Variants in LPA observed in about 807,000 individuals in gnomAD.
LPA encodes lipoprotein(a), also known as apolipoprotein(a).
A neutral mutation model predicts 197.9 loss-of-function variants in LPA; 199 were observed. The observed-to-expected ratio is 1.01, with a 90% CI of 0.90 to 1.13. The LOEUF is 1.13. LPA is among the 50% of genes most tolerant of loss of function. LPA has a pLI of 0.00. For synonymous variants in LPA, 715 were observed against 639.5 expected, an observed-to-expected ratio of 1.12 and a Z score of -1.78; for missense variants, 1,853 against 1,785.8, an observed-to-expected ratio of 1.04 and a Z score of -0.68.
chr6:160,608,627 T>A (rs1320277072), intron 16 of LPA, among the ~76,000 whole-genome samples: 2 of 152,122 alleles, frequency 1.3e-5, no homozygotes, highest in Non-Finnish European at 2.9e-5. Context: ...TTGAATTTCG[T>A]GTTTTTGCGA....
chr6:160,580,941 T>A, intron 26 of LPA, among the ~76,000 whole-genome samples: 1 of 151,580 alleles, frequency 6.6e-6, no homozygotes, highest in Middle Eastern at 3.6e-3. Flanking sequence ...TTGTTTTCTT[T>A]TACAGTTAGT....
intron 1 of LPA, among the ~76,000 whole-genome samples, chr6:160,661,094 C>T (rs148196584): frequency 9.3e-4 from 141 of 152,296 alleles, no homozygotes; most frequent in African/African-American, 3.2e-3. Context: ...CCTTAGGACA[C>T]CTGGCTGAGC....
Position 160,595,397 on chromosome 6 carries a change from G to T in LPA, c.3426C>A (p.Leu1142=). ...CTGTGCTTGGATCTGGGACCACCGTGAGAGTTGCAAGGACACTTGATTCTG... is the reference window on the plus strand; with the variant it reads ...CTGTGCTTGGATCTGGGACCACCGTTAGAGTTGCAAGGACACTTGATTCTG... ...LVTESSVLAT[L]TVVPDPSTEA... is the part of the protein sequence containing the mutation. The change falls in exon 21 of 39, where the codon CTC becomes CTA. Residue 1142 remains leucine, a synonymous_variant. Coordinates refer to ENST00000316300, the MANE Select transcript of LPA (RefSeq NM_005577.4). The T allele has an allele frequency of 6.2e-7, 1 of 1,613,776 alleles. No homozygotes were observed.
intron 1 of LPA, among the ~76,000 whole-genome samples, chr6:160,652,016 C>CAA (rs58821197): frequency 0.023 from 2,790 of 122,482 alleles, 73 homozygotes; most frequent in African/African-American, 0.067. Flanking sequence ...GAGTTCCTGA[C>CAA]AAAAAAAAAA....
chr6:160,537,351 C>T (rs1777909960), intron 37 of LPA, among the ~76,000 whole-genome samples: 1 of 152,014 alleles, frequency 6.6e-6, no homozygotes, highest in South Asian at 2.1e-4. Flanking sequence ...TGCCTAACAC[C>T]CTCACACACA....
intron 37 of LPA, 134 bp downstream of exon 37, chr6:160,537,721 T>C: frequency 5.0e-6 from 4 of 802,026 alleles, no homozygotes; most frequent in Non-Finnish European, 8.5e-6. Context: ...TAGACAGGTG[T>C]CCAGGCAAAG....
rs758093097 is a variant in LPA at position 160,541,084 on chromosome 6, T to G, written c.5594+23A>C. 5 of 1,607,934 alleles carry G rather than the reference T, an allele frequency of 3.1e-6. No individual in the cohort carries two copies. In the South Asian group the frequency reaches 5.5e-5, roughly 18 times the overall value. ...AAAAAGTCTTGAAGATAAGACCCCA[T>G]GTCAGTTTTCCCTTAAACGTACTTC... is the stretch of plus-strand genomic sequence containing the variant. On this transcript the variant is annotated intron_variant, in intron 35 of 38. Coordinates refer to ENST00000316300, the MANE Select transcript of LPA (RefSeq NM_005577.4).
At chr6:160,551,839 A>G (rs983162108) in intron 30 of LPA, among the ~76,000 whole-genome samples, 4 of 151,862 alleles carry the variant, frequency 2.6e-5, no homozygotes, top group African/African-American at 4.8e-5. Context: ...TCCATTTACC[A>G]TATATGTATG....
In LPA at chr6:160,604,462, C is replaced by A. The variant is rs572211794; in HGVS notation, c.2945+584G>T. On this transcript the variant is annotated intron_variant, in intron 18 of 38. Coordinates refer to ENST00000316300, the MANE Select transcript of LPA (RefSeq NM_005577.4). ...CTGGGCTTCTGTCCATCTATCCACC[C>A]TTTTACTTTACAGGATCTCTCTCTT... 2.6e-5 allele frequency among the ~76,000 whole-genome samples: 4 copies of A among 152,280 alleles called. No individual in the cohort carries two copies. In the South Asian group the frequency reaches 6.2e-4, roughly 24 times the overall value.
chr6:160,548,554 G>C lies in LPA; in HGVS notation c.5079C>G (p.Cys1693Trp). 9 of 1,614,100 alleles carry C rather than the reference G, an allele frequency of 5.6e-6. No homozygotes were observed. Among genetic ancestry groups the C allele is most frequent in the Non-Finnish European group, 7.6e-6 (9 of 1,180,004 alleles). ...IRWEYCNLTR[C>W]SDTEGTVVAP... ...CGACCACAGTCCCTTCTGTGTCTGA[G>C]CATCGCGTCAGGTTGCAGTACTCCC... is the stretch of plus-strand genomic sequence containing the variant. Residue 1693 changes from cysteine to tryptophan, a missense_variant, in exon 31 of 39, where the codon TGC becomes TGG. By Grantham distance (215) the Cys-to-Trp change is radical. This residue lies in a region of LPA where 1,737 missense variants were observed against 1,504.4 expected (regional missense o/e 1.15). Coordinates refer to ENST00000316300, the MANE Select transcript of LPA (RefSeq NM_005577.4).
rs73594865 is a variant in LPA at position 160,545,862 on chromosome 6, G to T, written c.5305-329C>A. 1.9e-3 allele frequency among the ~76,000 whole-genome samples: 292 copies of T among 152,218 alleles called. 1 individual carries two copies. Among genetic ancestry groups the T allele is most frequent in the African/African-American group, 6.5e-3 (271 of 41,536 alleles). ...GAGGACAGTGGGACATCATTGATGA[G>T]CTTTGTCCCTGGGGCGCTGAGGGGT... On this transcript the variant is annotated intron_variant, in intron 32 of 38. Coordinates refer to ENST00000316300, the MANE Select transcript of LPA (RefSeq NM_005577.4).
rs1253594068 is a variant in LPA, at chr6:160,585,151, C to T, written c.4184G>A (p.Ser1395Asn). The change falls in exon 26 of 39, where the codon AGT becomes AAT. Residue 1395 changes from serine to asparagine, a missense_variant. Transcript: ENST00000316300. ...AGTGGTGGAGAGTGTGCCTCGATAACTCTGTCCATCACCTCGGTAGCAGTC... is the reference window on the plus strand; with the variant it reads ...AGTGGTGGAGAGTGTGCCTCGATAATTCTGTCCATCACCTCGGTAGCAGTC... Reference protein sequence around the residue: ...VQDCYRGDGQSYRGTLSTTIT... With the variant: ...VQDCYRGDGQNYRGTLSTTIT... 3 of 1,613,542 alleles carry T rather than the reference C, an allele frequency of 1.9e-6. No homozygotes were observed. In the East Asian group the frequency reaches 6.7e-5, roughly 36 times the overall value.
At chr6:160,536,427 T>C (rs1777896125) in intron 37 of LPA, among the ~76,000 whole-genome samples, 1 of 152,196 alleles carries the variant, frequency 6.6e-6, no homozygotes, top group Non-Finnish European at 1.5e-5. Flanking sequence ...TAGGATGTGC[T>C]CAGCACTTGA....
intron 16 of LPA, among the ~76,000 whole-genome samples, chr6:160,608,740 C>T (rs1005783446): frequency 2.6e-5 from 4 of 152,010 alleles, no homozygotes; most frequent in African/African-American, 7.3e-5. Flanking sequence ...ACTTGCTTCC[C>T]ATATGCAGGA....
chr6:160,641,047 A>C (rs1414702282), intron 4 of LPA, among the ~76,000 whole-genome samples, 199 bp from the exon 5 acceptor site: 1 of 139,424 alleles, frequency 7.2e-6, no homozygotes, highest in African/African-American at 2.9e-5. Flanking sequence ...TTAATAGATT[A>C]TTACTATTTT....
At chr6:160,595,876 G>C (rs1208563543) in intron 20 of LPA, among the ~76,000 whole-genome samples, 2 of 152,132 alleles carry the variant, frequency 1.3e-5, no homozygotes, top group Non-Finnish European at 2.9e-5. Flanking sequence ...GTACAATGTT[G>C]TACAATGTAC....
intron 26 of LPA, among the ~76,000 whole-genome samples, chr6:160,582,649 ATG>A (rs1284245659): frequency 6.6e-6 from 1 of 152,058 alleles, no homozygotes; most frequent in Non-Finnish European, 1.5e-5. Context: ...TTTAATTATG[ATG>A]TGTCCAAATA....
chr6:160,577,246 T>A lies in LPA; in HGVS notation c.4521A>T (p.Gly1507=). The change falls in exon 28 of 39, where the codon GGA becomes GGT. Residue 1507 remains glycine (G), a synonymous_variant. Coordinates refer to ENST00000316300, the MANE Select transcript of LPA (RefSeq NM_005577.4). ...PVVQDCYHGD[G]RSYRGISSTT... is the part of the protein sequence containing the mutation. ...TGGAGGATATGCCTCGATAACTCCG[T>A]CCATCACCATGGTAGCAATCCTGGA... 5 of 1,613,890 alleles carry A rather than the reference T, an allele frequency of 3.1e-6. No homozygotes were observed. The highest frequency in any genetic ancestry group is 4.2e-6 in the Non-Finnish European group (5 of 1,179,834).
intron 17 of LPA, 28 bp downstream of exon 17, chr6:160,606,449 T>G (rs1562341836): frequency 6.2e-7 from 1 of 1,611,668 alleles, no homozygotes; most frequent in East Asian, 2.2e-5. Context: ...CATCGAAACG[T>G]GTAGGTTTCT....
Sources: allele counts gnomAD v4.1 joint callset (sites outside exome capture counted in the v4.1 genomes callset), GRCh38; gene constraint gnomAD v4.1.1; regional missense constraint gnomAD v4.1.1; transcripts MANE v1.5; gene names NCBI Gene and HGNC (gene_info 2026-07-23, HGNC 2026-07-21).